CELF6: variants seen among roughly 807,000 people sequenced by gnomAD.
CELF6 encodes CUGBP Elav-like family member 6.
CELF6 carries 32 observed loss-of-function variants against 53.1 expected under a neutral mutation model. The observed-to-expected ratio is 0.60, with a 90% CI of 0.46 to 0.81. The LOEUF (loss-of-function observed/expected upper bound fraction) is 0.81. CELF6 is among the 30% of genes least tolerant of loss of function. CELF6 has a pLI of 0.00. For synonymous variants in CELF6, 291 were observed against 288.8 expected, an observed-to-expected ratio of 1.01 and a Z score of -0.08; for missense variants, 539 against 669.5, an observed-to-expected ratio of 0.81 and a Z score of 2.15.
chr15:72,301,734 A>AT (rs34705032), intron 3 of CELF6, among the ~76,000 whole-genome samples: 89,347 of 125,852 alleles, frequency 0.71, 35,341 homozygotes, highest in South Asian at 0.93. Flanking sequence ...TAAAAAGTTG[A>AT]TTTTTTTTTT....
intron 3 of CELF6, among the ~76,000 whole-genome samples, chr15:72,303,536 T>A (rs1054878997): frequency 6.6e-6 from 1 of 152,192 alleles, no homozygotes; most frequent in African/African-American, 2.4e-5. Flanking sequence ...CTGAGAGGGG[T>A]ACAGAATTAG....
intron 2 of CELF6, among the ~76,000 whole-genome samples, chr15:72,309,071 C>T (rs1273232317): frequency 6.6e-6 from 1 of 152,180 alleles, no homozygotes; most frequent in Non-Finnish European, 1.5e-5. Flanking sequence ...TGCCACCATG[C>T]CCAGCTAATT....
chr15:72,303,707 T>C (rs1213832115), intron 3 of CELF6, among the ~76,000 whole-genome samples: 2 of 152,098 alleles, frequency 1.3e-5, no homozygotes. Flanking sequence ...TATAGGCTGA[T>C]ACACTGGAAG....
Position 72,289,630 on chromosome 15 carries a change from C to A in CELF6, c.744G>T (p.Thr248=), listed in dbSNP as rs1178569867. ...CACGCAGGTGCCCGGTACCTACCGC[C>A]GTGGTGTAGGCGCCGCAGGCCCCTA... ...LPLGACGAYT[T]AILQHQAALL... is the part of the protein sequence containing the mutation. The change falls in exon 6 of 13, where the codon ACG becomes ACT. Residue 248 remains threonine, a synonymous_variant. Coordinates refer to ENST00000287202, the MANE Select transcript of CELF6 (RefSeq NM_052840.5). This position sits in a 1 kb window ranked among gnomAD's most constrained non-coding sequence, Gnocchi z 7.6. The A allele has an allele frequency of 1.3e-5, 19 of 1,502,834 alleles. No homozygotes were observed. The East Asian group carries it at 4.4e-4, about 35-fold the overall frequency. 93.1% of individuals were successfully genotyped at this position (1,502,834 alleles called of 1,614,324 possible). A position where few individuals can be genotyped will look rare whatever the true frequency, so the allele number is the denominator to read the frequency against.
chr15:72,319,708 C>T lies in CELF6; in HGVS notation c.167G>A (p.Gly56Asp). The T allele has an allele frequency of 1.9e-6, 3 of 1,596,530 alleles. No homozygotes were observed. The highest frequency in any genetic ancestry group is 1.7e-6 in the Non-Finnish European group (2 of 1,171,618). ...IKLFVGQIPR[G>D]LDEQDLKPLF... is the part of the protein sequence containing the mutation. ...CGGCTTGAGGTCCTGCTCGTCCAAG[C>T]CCCGCGGGATCTGCCCCACGAAGAG... The change falls in exon 1 of 13, where the codon GGC (glycine) becomes GAC (aspartate). Residue 56 changes from glycine to aspartate, a missense_variant. Coordinates refer to ENST00000287202, the MANE Select transcript of CELF6 (RefSeq NM_052840.5). This position sits in a 1 kb window ranked among gnomAD's most constrained non-coding sequence, Gnocchi z 5.0.
At position 72,289,127 on chromosome 15, in the gene CELF6, G is replaced by T. The variant is rs757304924; in HGVS notation, c.1030+11C>A. 1 of 1,513,664 alleles carries T rather than the reference G, an allele frequency of 6.6e-7. No homozygotes were observed. Among genetic ancestry groups the T allele is most frequent in the African/African-American group, 1.4e-5 (1 of 71,788 alleles). The allele number at this position is 1,513,664 out of a possible 1,614,324, so 93.8% of individuals were successfully genotyped here. A position where few individuals can be genotyped will look rare whatever the true frequency, so the allele number is the denominator to read the frequency against. On this transcript the variant is annotated intron_variant, in intron 8 of 12. Transcript: ENST00000287202. This position sits in a 1 kb window ranked among gnomAD's most constrained non-coding sequence, Gnocchi z 7.6. ...CATTTCGGGGGGATTTGGGCGGAGC[G>T]GGGGGCCCACCTGGATAAGGGGAGA...
intron 2 of CELF6, among the ~76,000 whole-genome samples, chr15:72,307,217 G>A (rs1335653156): frequency 1.3e-5 from 2 of 152,078 alleles, no homozygotes; most frequent in African/African-American, 4.8e-5. Context: ...CCTGGGAGAT[G>A]GTGCTCTGGG....
At chr15:72,317,993 A>C (rs1463575298) in intron 1 of CELF6, among the ~76,000 whole-genome samples, 1 of 152,256 alleles carries the variant, frequency 6.6e-6, no homozygotes, top group Non-Finnish European at 1.5e-5. Context: ...GGAACAGTTC[A>C]GAGACTGATA....
At chr15:72,287,835 GTTC>G (rs1178882866) in intron 11 of CELF6, among the ~76,000 whole-genome samples, 1 of 144,532 alleles carries the variant, frequency 6.9e-6, no homozygotes, top group Non-Finnish European at 1.5e-5. Context: ...AATAAAGCTC[GTTC>G]TTTTTTTTTT....
In CELF6 at chr15:72,295,682, C is replaced by T. The variant is rs147280269; in HGVS notation, c.395-5427G>A. Among the ~76,000 whole-genome samples the T allele has an allele frequency of 4.9e-4, 69 of 141,126 alleles. No homozygotes were observed. In the East Asian group the frequency reaches 0.01, roughly 21 times the overall value. The allele number at this position is 141,126 out of a possible 152,430, so 92.6% of individuals were successfully genotyped here. Reference sequence around the variant, plus strand: ...CAGAGGTTGCAGTGAGCCGAGATCACGCCACTGCACTCCAGCCTGGGTGAT... The same window carrying T: ...CAGAGGTTGCAGTGAGCCGAGATCATGCCACTGCACTCCAGCCTGGGTGAT... On this transcript the variant is annotated intron_variant, in intron 3 of 12. Transcript: ENST00000287202.
Position 72,315,905 on chromosome 15 carries a change from G to A in CELF6, c.285C>T (p.Cys95=), listed in dbSNP as rs748221510. The part of the protein sequence containing the change: ...LHKGCAFLTY[C]ARDSALKAQS... ...GGGCCTTGAGAGCAGAGTCCCGGGC[G>A]CAGTAGGTGAGGAAGGCACAGCCTG... The change falls in exon 2 of 13, where the codon TGC becomes TGT. Residue 95 remains cysteine (C), a synonymous_variant. Coordinates refer to ENST00000287202, the MANE Select transcript of CELF6 (RefSeq NM_052840.5). The A allele has an allele frequency of 1.4e-5, 23 of 1,607,456 alleles. No homozygotes were observed. Among genetic ancestry groups the A allele is most frequent in the Middle Eastern group, 1.7e-4 (1 of 6,018 alleles).
At position 72,288,897 on chromosome 15, in the gene CELF6, T is replaced by G; in HGVS notation, c.1064A>C (p.Gln355Pro). The stretch of plus-strand genomic sequence containing the variant: ...GTAGTGGTGCATCCCAGCGTAGGCC[T>G]GCTGCAGGGGGTCAGCCACGCCGGG... ...QSPGVADPLQQAYAGMHHYAA... is the reference protein window; with the variant it reads ...QSPGVADPLQPAYAGMHHYAA... The change falls in exon 9 of 13, where the codon CAG becomes CCG. Residue 355 changes from glutamine to proline, a missense_variant. Gln to Pro is a moderately conservative substitution (Grantham distance 76, BLOSUM62 -1). Transcript: ENST00000287202. This position sits in a 1 kb window ranked among gnomAD's most constrained non-coding sequence, Gnocchi z 4.6. The G allele has an allele frequency of 6.4e-7, 1 of 1,550,936 alleles. No individual in the cohort carries two copies. The highest frequency in any genetic ancestry group is 8.7e-7 in the Non-Finnish European group (1 of 1,147,060).
chr15:72,307,922 G>A (rs1332865536), intron 2 of CELF6, among the ~76,000 whole-genome samples: 5 of 152,178 alleles, frequency 3.3e-5, no homozygotes, highest in Admixed American at 6.5e-5. Context: ...GGCTGAGCAC[G>A]CTGAATGGCT....
chr15:72,315,852 A>C lies in CELF6; in HGVS notation c.338T>G (p.Leu113Arg). 1.9e-6 allele frequency: 3 copies of C among 1,599,290 alleles called. No homozygotes were observed. The highest frequency in any genetic ancestry group is 2.6e-6 in the Non-Finnish European group (3 of 1,172,978). ...AQSALHEQKT[L>R]PGMNRPIQVK... ...CCAACCTGGAGGACTTACCCCTGGC[A>C]GGGTCTTCTGCTCGTGCAGTGCACT... The change falls in exon 2 of 13, where the codon CTG (leucine) becomes CGG (arginine). Residue 113 changes from leucine (L) to arginine (R), a missense_variant. Transcript: ENST00000287202.
intron 11 of CELF6, 97 bp from the exon 12 acceptor site, chr15:72,287,489 A>G (rs1252752975): frequency 4.3e-5 from 62 of 1,425,996 alleles, no homozygotes; most frequent in Non-Finnish European, 5.6e-5. Flanking sequence ...CCGTCAGGCC[A>G]GTTCCATCAA....
intron 3 of CELF6, among the ~76,000 whole-genome samples, chr15:72,303,508 T>C (rs752898301): frequency 4.5e-4 from 68 of 152,218 alleles, no homozygotes; most frequent in Non-Finnish European, 7.3e-4. Flanking sequence ...GTGTGGGTTC[T>C]CAGACTGAGC....
At chr15:72,295,976 A>C (rs988273260) in intron 3 of CELF6, among the ~76,000 whole-genome samples, 1 of 152,224 alleles carries the variant, frequency 6.6e-6, no homozygotes. Context: ...CCCTGTTTTC[A>C]AAACATATTA....
intron 3 of CELF6, among the ~76,000 whole-genome samples, chr15:72,299,820 G>A (rs34538801): frequency 0.032 from 4,811 of 152,216 alleles, 153 homozygotes; most frequent in African/African-American, 0.075. Context: ...TAGGAACAGC[G>A]TGGAACTTAG....
intron 3 of CELF6, among the ~76,000 whole-genome samples, chr15:72,296,455 A>C (rs1181309617): frequency 4.6e-5 from 7 of 152,210 alleles, no homozygotes; most frequent in Admixed American, 3.9e-4. Flanking sequence ...TCTGTCCATC[A>C]AAAGACACAA....
Sources: allele counts gnomAD v4.1 joint callset (sites outside exome capture counted in the v4.1 genomes callset), GRCh38; gene constraint gnomAD v4.1.1; non-coding constraint Gnocchi (gnomAD v3.1); transcripts MANE v1.5; gene names NCBI Gene and HGNC (gene_info 2026-07-23, HGNC 2026-07-21).